Variants in GPAM observed in about 807,000 individuals in gnomAD.
GPAM encodes the protein glycerol-3-phosphate acyltransferase, mitochondrial, also known as glycerol-3-phosphate acyltransferase 1, mitochondrial.
In GPAM, 56 loss-of-function variants were observed where a neutral mutation model predicts 105.0. The observed-to-expected ratio is 0.53, with a 90% CI of 0.43 to 0.67. GPAM has a LOEUF of 0.67. GPAM is among the 30% of genes least tolerant of loss of function. The pLI is 0.00. For missense variants in GPAM, 855 were observed against 989.8 expected (o/e 0.86, Z 1.83); for synonymous variants, 368 against 354.4 (o/e 1.04, Z -0.43).
intron 11 of GPAM, among the ~76,000 whole-genome samples, chr10:112,167,304 T>C (rs1343341660): frequency 2.6e-5 from 4 of 152,220 alleles, no homozygotes; most frequent in African/African-American, 9.7e-5. Context: ...CTCTAACTGC[T>C]GACTGGAGTG....
intron 14 of GPAM, among the ~76,000 whole-genome samples, 171 bp downstream of exon 14, chr10:112,163,530 C>A (rs1847160502): frequency 6.6e-6 from 1 of 152,196 alleles, no homozygotes; most frequent in South Asian, 2.1e-4. Context: ...TGTTTAACTC[C>A]AATTATCTCA....
In GPAM at chr10:112,175,644, G is replaced by T; in HGVS notation, c.369C>A (p.Gly123=). Residue 123 remains glycine, a synonymous_variant, in exon 6 of 22, where the codon GGC becomes GGA. Transcript: ENST00000348367. ...LFIQERDVHK[G]MFATNVTENV... ...TTTCAGTCACATTGGTGGCAAACAT[G>T]CCCTTATGCACATCTCGCTCTTGAA... 1 of 1,612,304 alleles carries T rather than the reference G, an allele frequency of 6.2e-7. No homozygotes were observed. The highest frequency in any genetic ancestry group is 8.5e-7 in the Non-Finnish European group (1 of 1,178,426).
At chr10:112,160,364 T>C (rs1040808936) in intron 16 of GPAM, 1 of 975,312 alleles carries the variant, frequency 1.0e-6, no homozygotes, top group South Asian at 4.7e-5. Flanking sequence ...AGCTCCTGGA[T>C]AGCAAGACAC....
chr10:112,161,386 C>A (rs1564675258), intron 15 of GPAM, among the ~76,000 whole-genome samples: 1 of 152,144 alleles, frequency 6.6e-6, no homozygotes, highest in Non-Finnish European at 1.5e-5. Flanking sequence ...AGAATATATA[C>A]CACATGTTAA....
At position 112,152,091 on chromosome 10, in the gene GPAM, C is replaced by T; in HGVS notation, c.*1459G>A. On this transcript the variant is annotated 3_prime_UTR_variant, in exon 22 of 22. Coordinates refer to ENST00000348367, the MANE Select transcript of GPAM (RefSeq NM_001244949.2). The stretch of plus-strand genomic sequence containing the variant: ...ACACACATTACTCATGAGATACTAT[C>T]AGTGTTTAAAATCCAAGCTTATGGA... The T allele has an allele frequency of 1.0e-6, 1 of 982,692 alleles. No individual in the cohort carries two copies. Among genetic ancestry groups the T allele is most frequent in the Non-Finnish European group, 1.2e-6 (1 of 827,470 alleles). The allele number at this position is 982,692 out of a possible 1,614,324, so 60.9% of individuals were successfully genotyped here. A position where few individuals can be genotyped will look rare whatever the true frequency, so the allele number is the denominator to read the frequency against.
chr10:112,152,519 G>T lies in GPAM; in HGVS notation c.*1031C>A. 1 of 985,212 alleles carries T rather than the reference G, an allele frequency of 1.0e-6. No homozygotes were observed. The allele number at this position is 985,212 out of a possible 1,614,324, so 61.0% of individuals were successfully genotyped here. On this transcript the variant is annotated 3_prime_UTR_variant, in exon 22 of 22. Coordinates refer to ENST00000348367, the MANE Select transcript of GPAM (RefSeq NM_001244949.2). ...ACAGGTTGTGCACGGCACAACTCGA[G>T]TGGGTACCAGTCACCTGGACTGGGG... is the stretch of plus-strand genomic sequence containing the variant.
intron 1 of GPAM, among the ~76,000 whole-genome samples, chr10:112,213,733 A>C (rs1414282697): frequency 1.3e-5 from 2 of 152,222 alleles, no homozygotes; most frequent in African/African-American, 4.8e-5. Flanking sequence ...CTTTAAGCAG[A>C]CAAGATAACA....
chr10:112,180,658 CT>C (rs1847493134), intron 3 of GPAM, 63 bp from the exon 4 acceptor site: 1 of 1,429,318 alleles, frequency 7.0e-7, no homozygotes, highest in South Asian at 1.2e-5. Context: ...TCTACTTGAT[CT>C]CAAAATCTAA....
chr10:112,182,569 C>T (rs968263036), intron 2 of GPAM, among the ~76,000 whole-genome samples: 2 of 152,180 alleles, frequency 1.3e-5, no homozygotes, highest in African/African-American at 4.8e-5. Flanking sequence ...ATTATTTTTG[C>T]TTTTGGCTGT....
rs143620877 is a variant in GPAM at position 112,179,654 on chromosome 10, T to G, written c.225+819A>C. Among the ~76,000 whole-genome samples, 686 of 152,234 alleles carry G rather than the reference T, an allele frequency of 4.5e-3. 6 individuals are homozygous for G. In the Middle Eastern group the frequency reaches 0.051, roughly 11 times the overall value. On this transcript the variant is annotated intron_variant, in intron 4 of 21. Transcript: ENST00000348367. ...TACTTTCTGCCAAACCAACCTTGAG[T>G]AGAAAATTCACACAGCACAATTACC...
upstream of GPAM, among the ~76,000 whole-genome samples, chr10:112,216,803 T>C (rs538008480): frequency 1.7e-4 from 26 of 152,010 alleles, no homozygotes; most frequent in African/African-American, 2.9e-4. Flanking sequence ...TTTGTATTTT[T>C]ACTAGAGACG....
intron 1 of GPAM, among the ~76,000 whole-genome samples, chr10:112,195,130 C>A (rs781491625): frequency 7.2e-5 from 11 of 152,004 alleles, no homozygotes; most frequent in Non-Finnish European, 1.3e-4. Context: ...ATGCAGCGTG[C>A]CAAATGCACC....
chr10:112,153,850 A>C lies in GPAM; in HGVS notation c.2371-184T>G, dbSNP rs1049552400. The stretch of plus-strand genomic sequence containing the variant: ...GCATGAGGTGGGAGTTTCCAATGCA[A>C]ACAAGGTTTTCTTTTTCTATTTTTT... On this transcript the variant is annotated intron_variant, in intron 21 of 21. Transcript: ENST00000348367. The C allele has an allele frequency of 1.0e-5, 6 of 580,738 alleles. No homozygotes were observed. In the African/African-American group the frequency reaches 1.3e-4, roughly 12 times the overall value. 36.0% of individuals were successfully genotyped at this position (580,738 alleles called of 1,614,324 possible). A position where few individuals can be genotyped will look rare whatever the true frequency, so the allele number is the denominator to read the frequency against.
chr10:112,174,812 A>T (rs1002113587), intron 6 of GPAM, among the ~76,000 whole-genome samples: 1 of 152,198 alleles, frequency 6.6e-6, no homozygotes, highest in African/African-American at 2.4e-5. Context: ...CTCCATTATC[A>T]ACTACTCACT....
chr10:112,168,402 C>T lies in GPAM; in HGVS notation c.1017G>A (p.Leu339=). 1 of 1,599,334 alleles carries T rather than the reference C, an allele frequency of 6.3e-7. No homozygotes were observed. Among genetic ancestry groups the T allele is most frequent in the Non-Finnish European group, 8.6e-7 (1 of 1,166,524 alleles). ...AGLLSVVVDT[L]STNVIPDILI... ...AGATGTCTGGGATGACATTGGTAGA[C>T]AGAGTATCTACCACAACTGACAAAA... The change falls in exon 11 of 22, where the codon CTG becomes CTA. Residue 339 remains leucine (L), a synonymous_variant. Coordinates refer to ENST00000348367, the MANE Select transcript of GPAM (RefSeq NM_001244949.2).
In GPAM at chr10:112,153,028, A is replaced by T. The variant is rs1846948003; in HGVS notation, c.*522T>A. The T allele has an allele frequency of 6.4e-6, 4 of 620,764 alleles. 1 individual carries two copies. The South Asian group carries it at 2.6e-4, about 40-fold the overall frequency. The allele number at this position is 620,764 out of a possible 1,614,324, so 38.5% of individuals were successfully genotyped here. Reference sequence around the variant, plus strand: ...CACTCAATTTATAAAGCACTTTGGGATAAAAGGTGCTCCCATTAAAAATGT... The same window carrying T: ...CACTCAATTTATAAAGCACTTTGGGTTAAAAGGTGCTCCCATTAAAAATGT... On this transcript the variant is annotated 3_prime_UTR_variant, in exon 22 of 22. Transcript: ENST00000348367.
At chr10:112,161,628 C>A in intron 15 of GPAM, 39 bp downstream of exon 15, 1 of 1,540,890 alleles carries the variant, frequency 6.5e-7, no homozygotes, top group Non-Finnish European at 9.0e-7. Flanking sequence ...AAACATTCTC[C>A]TGCTTCCTAC....
chr10:112,204,678 C>T (rs1387169820), intron 1 of GPAM, among the ~76,000 whole-genome samples: 1 of 150,868 alleles, frequency 6.6e-6, no homozygotes, highest in African/African-American at 2.4e-5. Flanking sequence ...AACAACAGAT[C>T]ATAGTAGACA....
rs778269577 is a variant in GPAM at position 112,168,533 on chromosome 10, T to A, written c.895-9A>T. ...AGTAATTCAACTATATGCTGGGATA[T>A]AAGAAGAAAGTAAAACATACATTCA... On this transcript the variant is annotated splice_polypyrimidine_tract_variant and intron_variant, in intron 10 of 21. Transcript: ENST00000348367. 6.4e-7 allele frequency: 1 copy of A among 1,567,064 alleles called. No individual in the cohort carries two copies. Among genetic ancestry groups the A allele is most frequent in the African/African-American group, 1.4e-5 (1 of 74,042 alleles).
Sources: gnomAD v4.1 joint callset for allele counts (sites outside exome capture counted in the v4.1 genomes callset) on GRCh38, gnomAD v4.1.1 for gene constraint, MANE v1.5 for transcripts, NCBI Gene and HGNC (gene_info 2026-07-23, HGNC 2026-07-21) for gene names.